Variants in GON4L observed in about 807,000 individuals in gnomAD.
The protein encoded by GON4L is gon-4 like, also known as GON-4-like protein.
Under a neutral mutation model 211.8 loss-of-function variants are expected in GON4L, and 87 were observed. The observed-to-expected ratio is 0.41, with a 90% CI of 0.35 to 0.49. The LOEUF is 0.49. Among genes scored for constraint, GON4L ranks in the 20% least tolerant of loss-of-function variants. The pLI is 0.15. For synonymous variants in GON4L, 875 were observed against 962.6 expected (o/e 0.91, Z 1.68); for missense variants, 2,155 against 2,659.5 (o/e 0.81, Z 4.17).
In GON4L at chr1:155,826,978, T is replaced by G. The variant is rs779370240; in HGVS notation, c.556A>C (p.Ser186Arg). ...EGEIPSLPSGSQSAKPVSQPR... is the reference protein window; with the variant it reads ...EGEIPSLPSGRQSAKPVSQPR... ...TGGCTTACTGGTTTTGCAGATTGGC[T>G]GCCTGATGGCAGGGAAGGTATCTCC... Residue 186 changes from serine to arginine, a missense_variant, in exon 3 of 32, where the codon AGC becomes CGC. Around this residue, in one of 6 missense-constraint regions of GON4L, gnomAD observed 313 missense variants for 293.2 expected, o/e 1.07. Coordinates refer to ENST00000368331, the MANE Select transcript of GON4L (RefSeq NM_001282860.2). 1.2e-6 allele frequency: 2 copies of G among 1,614,160 alleles called. No individual in the cohort carries two copies.
At chr1:155,748,767 T>G, downstream of GON4L, 2 of 1,613,954 alleles carry the variant, frequency 1.2e-6, no homozygotes, top group Non-Finnish European at 1.7e-6. Flanking sequence ...GCTGAGGGTA[T>G]AGACAGAGCA....
chr1:155,762,762 G>A (rs1002548713), intron 22 of GON4L, among the ~76,000 whole-genome samples: 4 of 152,220 alleles, frequency 2.6e-5, no homozygotes, highest in Non-Finnish European at 5.9e-5. Flanking sequence ...GAACTGCCAG[G>A]CACAGTGGCT....
At chr1:155,811,414 A>AAAG in intron 10 of GON4L, among the ~76,000 whole-genome samples, 1 of 149,428 alleles carries the variant, frequency 6.7e-6, no homozygotes, top group Non-Finnish European at 1.5e-5. Context: ...AAAAAAAAAA[A>AAAG]AAAGAAAGAA....
At chr1:155,846,132 T>C (rs1188077416) in intron 2 of GON4L, 2 of 231,374 alleles carry the variant, frequency 8.6e-6, no homozygotes. Flanking sequence ...AATAACCAAA[T>C]GGTAGCAGTG....
intron 12 of GON4L, among the ~76,000 whole-genome samples, chr1:155,789,962 T>C (rs1665357151): frequency 6.6e-6 from 1 of 151,850 alleles, no homozygotes; most frequent in Admixed American, 6.6e-5. Context: ...AGACAAGCTC[T>C]CACTCTGTCA....
chr1:155,779,249 G>C (rs1039030849), intron 14 of GON4L, among the ~76,000 whole-genome samples: 1 of 63,280 alleles, frequency 1.6e-5, no homozygotes, highest in Non-Finnish European at 3.1e-5. Context: ...GCAAGACTCT[G>C]TCTCAAAAAA....
In GON4L at chr1:155,766,949, G is replaced by A; in HGVS notation, c.2764-240C>T. On this transcript the variant is annotated intron_variant, in intron 20 of 31. Transcript: ENST00000368331. ...TAATCCCAGCTACTCAGGAGGCGGA[G>A]GCAGGAGAATCACTTGAACCTGGGA... 6.7e-6 allele frequency: 4 copies of A among 593,800 alleles called. 1 individual carries two copies. The South Asian group carries it at 7.8e-5, about 12-fold the overall frequency. The allele number at this position is 593,800 out of a possible 1,614,324, so 36.8% of individuals were successfully genotyped here.
chr1:155,784,244 C>T lies in GON4L; in HGVS notation c.1789-155G>A, dbSNP rs1664706289. ...GTCAGAACTTTCTCACTTCAGGATT[C>T]CCACAAACCCACACTTGGGATGGCT... On this transcript the variant is annotated intron_variant, in intron 13 of 31. Transcript: ENST00000368331. 3.1e-6 allele frequency: 3 copies of T among 978,532 alleles called. No individual in the cohort carries two copies. In the South Asian group the frequency reaches 4.5e-5, roughly 15 times the overall value. 60.6% of individuals were successfully genotyped at this position (978,532 alleles called of 1,614,324 possible).
At chr1:155,784,120 G>T in intron 13 of GON4L, 31 bp from the exon 14 acceptor site, 1 of 1,611,458 alleles carries the variant, frequency 6.2e-7, no homozygotes, top group Non-Finnish European at 8.5e-7. Context: ...GGGTTTTCCT[G>T]GGGAATGGGC....
At chr1:155,805,180 G>A (rs376166780) in intron 10 of GON4L, 39 bp from the exon 11 acceptor site, 19 of 1,368,572 alleles carry the variant, frequency 1.4e-5, no homozygotes, top group Non-Finnish European at 2.0e-5. Flanking sequence ...AGTGAGTGAT[G>A]TTTCCAAACC....
At chr1:155,748,391 T>C, downstream of GON4L, 2 of 1,607,452 alleles carry the variant, frequency 1.2e-6, no homozygotes, top group Non-Finnish European at 1.7e-6. Context: ...TCTTGGTGTC[T>C]TCTTACAGGC....
At chr1:155,845,959 G>T in intron 2 of GON4L, 1 of 214,952 alleles carries the variant, frequency 4.7e-6, no homozygotes, top group Non-Finnish European at 1.0e-5. Flanking sequence ...TCCTGGATTT[G>T]AAGGGACTGA....
intron 5 of GON4L, among the ~76,000 whole-genome samples, chr1:155,821,081 G>C (rs979536116): frequency 6.6e-6 from 1 of 152,020 alleles, no homozygotes; most frequent in South Asian, 2.1e-4. Flanking sequence ...CCTGGCTAAC[G>C]TGGTGAAACC....
At chr1:155,810,136 C>G (rs987803759) in intron 10 of GON4L, among the ~76,000 whole-genome samples, 2 of 150,564 alleles carry the variant, frequency 1.3e-5, no homozygotes, top group African/African-American at 4.9e-5. Flanking sequence ...GCTGGGATTA[C>G]AGGCACTTGC....
intron 19 of GON4L, among the ~76,000 whole-genome samples, chr1:155,770,023 TAAAAAAAAAAAAAAAAAAAA>T (rs59380170): frequency 6.9e-5 from 3 of 43,692 alleles, no homozygotes; most frequent in African/African-American, 1.7e-4. Context: ...CTCCATTTCT[TAAAAAAAAAAAAAAAAAAAA>T]AAAAAAAAAA....
rs988274742 is a variant in GON4L, at chr1:155,760,535, T to C, written c.5018A>G (p.Lys1673Arg). 3 of 1,613,438 alleles carry C rather than the reference T, an allele frequency of 1.9e-6. No homozygotes were observed. The highest frequency in any genetic ancestry group is 1.3e-5 in the African/African-American group (1 of 74,904). Residue 1673 changes from lysine (K) to arginine (R), a missense_variant, in exon 24 of 32, where the codon AAA (lysine) becomes AGA (arginine). Lys to Arg is a conservative substitution (Grantham distance 26). Transcript: ENST00000368331. ...GTCTTGGAGCAGAATTTGCAGGCTT[T>C]TGTAGAGATCTACAGCCGTCCGTCT... is the stretch of plus-strand genomic sequence containing the variant. The part of the protein sequence containing the change: ...TQRRTAVDLY[K>R]SLQILLQDWP...
At chr1:155,823,240 A>G (rs1479560771) in intron 3 of GON4L, among the ~76,000 whole-genome samples, 3 of 152,158 alleles carry the variant, frequency 2.0e-5, no homozygotes, top group African/African-American at 7.2e-5. Context: ...AACTGTACAT[A>G]TTTTTCAAAA....
Position 155,784,097 on chromosome 1 carries a change from C to A in GON4L, c.1789-8G>T. On this transcript the variant is annotated splice_region_variant and splice_polypyrimidine_tract_variant and intron_variant, in intron 13 of 31. Coordinates refer to ENST00000368331, the MANE Select transcript of GON4L (RefSeq NM_001282860.2). ...TCCCATCTCATCTTGGAACTGTGGG[C>A]AAAGGAAAGGGAGGGTTTTCCTGGG... 6.2e-7 allele frequency: 1 copy of A among 1,613,460 alleles called. No individual in the cohort carries two copies. The highest frequency in any genetic ancestry group is 8.5e-7 in the Non-Finnish European group (1 of 1,179,598).
downstream of GON4L, chr1:155,745,772 G>A (rs1243499163): frequency 2.7e-5 from 23 of 857,186 alleles, 1 homozygote; most frequent in South Asian, 6.6e-5. Context: ...CAAGCCAATC[G>A]GCTAGGAGCA....
Sources: allele counts gnomAD v4.1 joint callset (sites outside exome capture counted in the v4.1 genomes callset), GRCh38; gene constraint gnomAD v4.1.1; regional missense constraint gnomAD v4.1.1; transcripts MANE v1.5; gene names NCBI Gene and HGNC (gene_info 2026-07-23, HGNC 2026-07-21).